ERGIC1: variants seen among roughly 807,000 people sequenced by gnomAD.
ERGIC1 encodes the protein endoplasmic reticulum-Golgi intermediate compartment protein 1.
ERGIC1 carries 19 observed loss-of-function variants against 38.3 expected under a neutral mutation model. The observed-to-expected ratio is 0.50, with a 90% confidence interval of 0.35 to 0.73. ERGIC1 has a LOEUF of 0.73. Among genes scored for constraint, ERGIC1 ranks in the 30% least tolerant of loss-of-function variants. The probability of loss-of-function intolerance (pLI) is 0.01; values close to 1 mark genes in which losing one functional copy is unlikely to be tolerated. For missense variants in ERGIC1, 294 were observed against 389.2 expected, an observed-to-expected ratio of 0.76 and a Z score of 2.06; for synonymous variants, 124 against 157.6, an observed-to-expected ratio of 0.79 and a Z score of 1.60.
At position 172,935,296 on chromosome 5, in the gene ERGIC1, A is replaced by G. The variant is rs1439771704; in HGVS notation, c.751A>G (p.Arg251Gly). Residue 251 changes from arginine (R) to glycine (G), a missense_variant, in exon 9 of 10, where the codon AGA becomes GGA. Arg to Gly is a moderately radical substitution (Grantham distance 125). Around this residue, in one of 3 missense-constraint regions of ERGIC1, gnomAD observed 109 missense variants for 112.7 expected, o/e 0.97. Coordinates refer to ENST00000393784, the MANE Select transcript of ERGIC1 (RefSeq NM_001031711.3). Reference protein sequence around the residue: ...KYTERRQPLYRFITTICAIIG... With the variant: ...KYTERRQPLYGFITTICAIIG... ...CACAGAGAGACGGCAGCCGCTGTAC[A>G]GATTCATCACCACGGTGAGTGGCCT... is the stretch of plus-strand genomic sequence containing the variant. The G allele has an allele frequency of 1.2e-6, 2 of 1,614,004 alleles. No individual in the cohort carries two copies. Among genetic ancestry groups the G allele is most frequent in the African/African-American group, 2.7e-5 (2 of 74,930 alleles).
At chr5:172,909,619 T>A in intron 3 of ERGIC1, 48 bp from the exon 4 acceptor site, 3 of 1,565,760 alleles carry the variant, frequency 1.9e-6, no homozygotes, top group Non-Finnish European at 2.6e-6. Flanking sequence ...GCAGCTGAGA[T>A]CTTTGCCGCC....
chr5:172,895,776 T>C (rs1581551556), intron 2 of ERGIC1, among the ~76,000 whole-genome samples: 1 of 151,220 alleles, frequency 6.6e-6, no homozygotes, highest in East Asian at 1.9e-4. Context: ...GGAGGAGGGA[T>C]GATGAGTCCA....
At chr5:172,884,671 C>G (rs563501570) in intron 1 of ERGIC1, among the ~76,000 whole-genome samples, 1 of 152,274 alleles carries the variant, frequency 6.6e-6, no homozygotes, top group East Asian at 1.9e-4. Context: ...CTAGAATCAG[C>G]CATTCCAAGG....
rs566169040 is a variant in ERGIC1 at position 172,878,189 on chromosome 5, C to T, written c.21-10510C>T. 6.6e-5 allele frequency among the ~76,000 whole-genome samples: 10 copies of T among 152,284 alleles called. No homozygotes were observed. In the South Asian group the frequency reaches 2.1e-3, roughly 32 times the overall value. ...GGCTGCTGGAGCTGGGAGGCCATGC[C>T]ATGGGCACCAAGGTCTAGGGAGAGA... On this transcript the variant is annotated intron_variant, in intron 1 of 9. Transcript: ENST00000393784.
chr5:172,888,240 G>C (rs1485797845), intron 1 of ERGIC1, among the ~76,000 whole-genome samples: 1 of 152,054 alleles, frequency 6.6e-6, no homozygotes, highest in Non-Finnish European at 1.5e-5. Context: ...TGGGCAGATC[G>C]GTTGAGCTTA....
At chr5:172,836,646 C>T (rs545798993) in intron 1 of ERGIC1, among the ~76,000 whole-genome samples, 42 of 152,332 alleles carry the variant, frequency 2.8e-4, no homozygotes, top group African/African-American at 9.1e-4. Context: ...ATCAAGCATT[C>T]ATCAAGTGTC....
Position 172,926,586 on chromosome 5 carries a change from G to A in ERGIC1, c.541+17G>A. ...CCTCCAACCGTATGTATCCCTGCTG[G>A]GAACAGCCTTCTGCTCCAAGATGCC... On this transcript the variant is annotated intron_variant, in intron 7 of 9. Transcript: ENST00000393784. This position sits in a 1 kb window ranked among gnomAD's most constrained non-coding sequence, Gnocchi z 5.2. 1 of 1,610,840 alleles carries A rather than the reference G, an allele frequency of 6.2e-7. No individual in the cohort carries two copies. Among genetic ancestry groups the A allele is most frequent in the Non-Finnish European group, 8.5e-7 (1 of 1,179,966 alleles).
At chr5:172,851,220 AT>A (rs1479268002) in intron 1 of ERGIC1, among the ~76,000 whole-genome samples, 46 of 124,658 alleles carry the variant, frequency 3.7e-4, no homozygotes, top group Admixed American at 1.0e-3. Context: ...AAAAAAAAAA[AT>A]TAAAAATTCA....
chr5:172,915,453 T>C, intron 5 of ERGIC1: 1 of 412,552 alleles, frequency 2.4e-6, no homozygotes, highest in South Asian at 1.8e-5. Context: ...TGAGATGAGG[T>C]GGGCTTGAAA....
chr5:172,903,110 C>G (rs1396370668), intron 3 of ERGIC1, among the ~76,000 whole-genome samples: 1 of 152,138 alleles, frequency 6.6e-6, no homozygotes. Context: ...CTCCCGACTG[C>G]TCCACCAGCG....
chr5:172,869,365 T>G (rs1761947009), intron 1 of ERGIC1, among the ~76,000 whole-genome samples: 1 of 152,166 alleles, frequency 6.6e-6, no homozygotes, highest in African/African-American at 2.4e-5. Flanking sequence ...AGGAGCCAAG[T>G]AAAACTGAGG....
At chr5:172,918,972 G>A (rs1046063357) in intron 5 of ERGIC1, among the ~76,000 whole-genome samples, 1 of 151,884 alleles carries the variant, frequency 6.6e-6, no homozygotes, top group African/African-American at 2.4e-5. Flanking sequence ...TGCTGCCTGT[G>A]CCTCCTCCTT....
intron 1 of ERGIC1, among the ~76,000 whole-genome samples, chr5:172,860,380 C>T (rs1761665463): frequency 6.6e-6 from 1 of 152,246 alleles, no homozygotes; most frequent in Non-Finnish European, 1.5e-5. Context: ...TTCATCCCCA[C>T]AACCAGTCAT....
chr5:172,902,451 G>T (rs889202455), intron 3 of ERGIC1, among the ~76,000 whole-genome samples: 1 of 152,230 alleles, frequency 6.6e-6, no homozygotes, highest in Non-Finnish European at 1.5e-5. Flanking sequence ...AGGCCTGAGG[G>T]CGTCTGAGTG....
chr5:172,854,235 A>G (rs1180214342), intron 1 of ERGIC1, among the ~76,000 whole-genome samples: 1 of 150,732 alleles, frequency 6.6e-6, no homozygotes, highest in Non-Finnish European at 1.5e-5. Context: ...AAAAAAAATT[A>G]GCTGGGCATG....
intron 1 of ERGIC1, among the ~76,000 whole-genome samples, chr5:172,842,197 T>A (rs1439696436): frequency 6.6e-6 from 1 of 152,200 alleles, no homozygotes; most frequent in Non-Finnish European, 1.5e-5. Flanking sequence ...GCATGCACCA[T>A]CAAGCCCAGC....
chr5:172,915,759 C>T (rs1289742390), intron 5 of ERGIC1: 9 of 407,126 alleles, frequency 2.2e-5, no homozygotes, highest in Non-Finnish European at 5.2e-6. Context: ...GCATGTCCCA[C>T]AACTCCCCTT....
intron 1 of ERGIC1, among the ~76,000 whole-genome samples, chr5:172,861,745 A>C (rs1294879556): frequency 6.6e-6 from 1 of 152,162 alleles, no homozygotes. Context: ...GCATAGCTCT[A>C]TTTTTTGACA....
At chr5:172,885,437 T>C (rs1010420769) in intron 1 of ERGIC1, among the ~76,000 whole-genome samples, 1 of 152,024 alleles carries the variant, frequency 6.6e-6, no homozygotes, top group Non-Finnish European at 1.5e-5. Flanking sequence ...TACAGCAGTT[T>C]CTGTATTTTT....
Sources: allele counts gnomAD v4.1 joint callset (sites outside exome capture counted in the v4.1 genomes callset), GRCh38; gene constraint gnomAD v4.1.1; regional missense constraint gnomAD v4.1.1; non-coding constraint Gnocchi (gnomAD v3.1); transcripts MANE v1.5; gene names NCBI Gene and HGNC (gene_info 2026-07-23, HGNC 2026-07-21).